Variants in TTLL11 observed in about 807,000 individuals in gnomAD.
TTLL11 encodes tubulin polyglutamylase TTLL11.
TTLL11 carries 42 observed loss-of-function variants against 51.7 expected under a neutral mutation model. The observed-to-expected ratio is 0.81, with a 90% CI of 0.64 to 1.05. The LOEUF (loss-of-function observed/expected upper bound fraction) is 1.05, where lower values mean the gene tolerates loss of function less well. Ranked by LOEUF, TTLL11 falls within the 50% of genes least tolerant of loss-of-function variation. The pLI, the probability that TTLL11 is intolerant of heterozygous loss-of-function variation, is 0.00. For missense variants in TTLL11, 799 were observed against 940.4 expected (o/e 0.85, Z 1.97); for synonymous variants, 381 against 383.5 (o/e 0.99, Z 0.08).
intron 1 of TTLL11, among the ~76,000 whole-genome samples, chr9:122,091,725 C>T (rs1397235206): frequency 6.6e-6 from 1 of 152,230 alleles, no homozygotes; most frequent in Non-Finnish European, 1.5e-5. Context: ...CCACACTCAG[C>T]TATCCTTAAT....
intron 8 of TTLL11, among the ~76,000 whole-genome samples, chr9:121,839,330 T>A (rs1837285380): frequency 6.6e-6 from 1 of 152,050 alleles, no homozygotes. Context: ...TCATTGAACA[T>A]TAGGTGATCC....
At chr9:121,838,092 G>A (rs1205209175) in intron 8 of TTLL11, among the ~76,000 whole-genome samples, 3 of 152,154 alleles carry the variant, frequency 2.0e-5, no homozygotes, top group Non-Finnish European at 1.5e-5. Context: ...CTCCAGGCCA[G>A]CCTGCTTTTT....
chr9:122,031,681 CATAAT>C, intron 3 of TTLL11, 37 bp downstream of exon 3: 1 of 1,603,466 alleles, frequency 6.2e-7, no homozygotes, highest in Middle Eastern at 2.3e-4. Flanking sequence ...CAGTTGCAAG[CATAAT>C]ATAATTCAGG....
intron 6 of TTLL11, among the ~76,000 whole-genome samples, chr9:121,917,347 G>A (rs1840362630): frequency 2.0e-5 from 3 of 151,876 alleles, no homozygotes; most frequent in Non-Finnish European, 2.9e-5. Flanking sequence ...GTGCATACCT[G>A]TATTCCTAAT....
At chr9:121,857,696 C>G (rs1005131137) in intron 8 of TTLL11, among the ~76,000 whole-genome samples, 2 of 152,094 alleles carry the variant, frequency 1.3e-5, no homozygotes, top group Admixed American at 6.5e-5. Flanking sequence ...TTCTCATTTC[C>G]ATAGCTTGGT....
chr9:122,037,971 G>A (rs1324605021), intron 2 of TTLL11, among the ~76,000 whole-genome samples: 2 of 152,148 alleles, frequency 1.3e-5, no homozygotes, highest in Admixed American at 6.5e-5. Flanking sequence ...AAAGACGTGG[G>A]ATAGAATGTC....
At chr9:122,060,708 T>C (rs1184522006) in intron 1 of TTLL11, among the ~76,000 whole-genome samples, 1 of 152,160 alleles carries the variant, frequency 6.6e-6, no homozygotes, top group African/African-American at 2.4e-5. Context: ...GGTATCCTCA[T>C]CTGTAAAATG....
At chr9:121,931,228 C>T (rs529449787) in intron 6 of TTLL11, among the ~76,000 whole-genome samples, 1 of 152,242 alleles carries the variant, frequency 6.6e-6, no homozygotes, top group Non-Finnish European at 1.5e-5. Context: ...ATCTAACGTG[C>T]TTGGGGCAGA....
chr9:122,009,301 C>A (rs1225275658), intron 3 of TTLL11, among the ~76,000 whole-genome samples: 1 of 152,016 alleles, frequency 6.6e-6, no homozygotes, highest in Non-Finnish European at 1.5e-5. Context: ...ATGATAAATA[C>A]ATACATTTTT....
At chr9:121,870,223 A>G (rs900141430) in intron 7 of TTLL11, among the ~76,000 whole-genome samples, 1 of 152,210 alleles carries the variant, frequency 6.6e-6, no homozygotes. Context: ...GATTATTAAT[A>G]TGCGTTTTCA....
intron 8 of TTLL11, among the ~76,000 whole-genome samples, chr9:121,825,067 G>A (rs998969415): frequency 1.3e-5 from 2 of 152,188 alleles, no homozygotes; most frequent in African/African-American, 2.4e-5. Flanking sequence ...TTACACCAGG[G>A]TTACTTTTAA....
At chr9:121,849,325 T>C (rs569171802) in intron 8 of TTLL11, among the ~76,000 whole-genome samples, 16 of 152,086 alleles carry the variant, frequency 1.1e-4, no homozygotes, top group African/African-American at 3.9e-4. Flanking sequence ...TGGGAGAAAA[T>C]CTAGATGACC....
chr9:122,001,550 C>T (rs1843469495), intron 3 of TTLL11, among the ~76,000 whole-genome samples: 5 of 151,304 alleles, frequency 3.3e-5, no homozygotes, highest in Admixed American at 3.3e-4. Context: ...GGAAGCTAAG[C>T]CTACTTCAGG....
chr9:122,091,855 C>G (rs1383508743), intron 1 of TTLL11, among the ~76,000 whole-genome samples: 4 of 152,196 alleles, frequency 2.6e-5, no homozygotes, highest in Non-Finnish European at 5.9e-5. Context: ...TGCTACATTC[C>G]ATCCCCTGCC....
At chr9:121,892,400 A>G (rs971298448) in intron 6 of TTLL11, among the ~76,000 whole-genome samples, 1 of 152,084 alleles carries the variant, frequency 6.6e-6, no homozygotes, top group African/African-American at 2.4e-5. Context: ...GGCGGAAGGC[A>G]AAAGGCACTT....
chr9:122,091,568 T>C (rs1401157101), intron 1 of TTLL11, among the ~76,000 whole-genome samples: 1 of 152,236 alleles, frequency 6.6e-6, no homozygotes, highest in East Asian at 1.9e-4. Flanking sequence ...ATCAACCCTC[T>C]GACCACATCA....
At chr9:121,932,107 T>G (rs1841009157) in intron 6 of TTLL11, among the ~76,000 whole-genome samples, 1 of 152,206 alleles carries the variant, frequency 6.6e-6, no homozygotes, top group South Asian at 2.1e-4. Context: ...ATAGCAAGCT[T>G]TGGGCTGCAT....
rs538332472 is a variant in TTLL11 at position 122,077,196 on chromosome 9, T to C, written c.462+15491A>G. Among the ~76,000 whole-genome samples, 3 of 152,118 alleles carry C rather than the reference T, an allele frequency of 2.0e-5. No homozygotes were observed. In the South Asian group the frequency reaches 6.2e-4, roughly 32 times the overall value. Reference sequence around the variant, plus strand: ...CAGAAGGTAGGTCTGAGTTGTAAAATAGAATAGCAAACAAAGAAAATGGCA... The same window carrying C: ...CAGAAGGTAGGTCTGAGTTGTAAAACAGAATAGCAAACAAAGAAAATGGCA... On this transcript the variant is annotated intron_variant, in intron 1 of 8. Coordinates refer to ENST00000321582, the MANE Select transcript of TTLL11 (RefSeq NM_001139442.2).
chr9:122,060,154 A>C (rs1305337518), intron 1 of TTLL11, among the ~76,000 whole-genome samples: 1 of 152,194 alleles, frequency 6.6e-6, no homozygotes, highest in Non-Finnish European at 1.5e-5. Flanking sequence ...CTTATCATAG[A>C]CACAGGGTCC....
Sources: allele counts gnomAD v4.1 joint callset (sites outside exome capture counted in the v4.1 genomes callset), GRCh38; gene constraint gnomAD v4.1.1; transcripts MANE v1.5; gene names NCBI Gene and HGNC (gene_info 2026-07-23, HGNC 2026-07-21).